The following CLIP4 variants were observed in gnomAD, a reference collection of about 807,000 sequenced individuals.
The protein encoded by CLIP4 is CAP-Gly domain-containing linker protein 4.
A neutral mutation model predicts 73.1 loss-of-function variants in CLIP4; 47 were observed. That is an observed-to-expected ratio of 0.64 (90% CI 0.51 to 0.82). The LOEUF is 0.82. CLIP4 is among the 40% of genes least tolerant of loss of function. The probability of loss-of-function intolerance (pLI) is 0.00; values close to 1 mark genes in which losing one functional copy is unlikely to be tolerated. For missense variants in CLIP4, 874 were observed against 852.9 expected (o/e 1.02, Z -0.31); for synonymous variants, 306 against 295.4 (o/e 1.04, Z -0.37).
intron 13 of CLIP4, among the ~76,000 whole-genome samples, chr2:29,166,047 A>T (rs2148071185): frequency 6.6e-6 from 1 of 151,456 alleles, no homozygotes; most frequent in Non-Finnish European, 1.5e-5. Flanking sequence ...TCATCTTCTG[A>T]TTGTCTCATT....
intron 1 of CLIP4, among the ~76,000 whole-genome samples, chr2:29,105,748 G>C (rs1391837436): frequency 6.6e-6 from 1 of 152,184 alleles, no homozygotes; most frequent in Non-Finnish European, 1.5e-5. Flanking sequence ...TTTTATAAAA[G>C]AGACCTCAGA....
At chr2:29,140,436 T>C (rs574127498) in intron 6 of CLIP4, among the ~76,000 whole-genome samples, 21 of 152,262 alleles carry the variant, frequency 1.4e-4, no homozygotes, top group African/African-American at 5.1e-4. Context: ...TGCATAGTAT[T>C]CCATGGTGTG....
chr2:29,101,868 A>T lies in CLIP4; in HGVS notation c.-16+3921A>T, dbSNP rs563748721. 1.3e-4 allele frequency among the ~76,000 whole-genome samples: 20 copies of T among 152,340 alleles called. No individual in the cohort carries two copies. In the East Asian group the frequency reaches 3.9e-3, roughly 29 times the overall value. Reference sequence around the variant, plus strand: ...CCGTTTGCTTCTTTGAATCAAAATTAAAGGCTCATGCCAAGGAGAAGCACT... The same window carrying T: ...CCGTTTGCTTCTTTGAATCAAAATTTAAGGCTCATGCCAAGGAGAAGCACT... On this transcript the variant is annotated intron_variant, in intron 1 of 14. Transcript: ENST00000401605.
chr2:29,098,731 A>G (rs1667951017), intron 1 of CLIP4, among the ~76,000 whole-genome samples: 1 of 152,230 alleles, frequency 6.6e-6, no homozygotes, highest in Admixed American at 6.5e-5. Context: ...AATGCCTAGG[A>G]GCATGATTGT....
At chr2:29,163,802 G>A in intron 12 of CLIP4, 29 bp from the exon 13 acceptor site, 1 of 1,600,476 alleles carries the variant, frequency 6.2e-7, no homozygotes, top group Admixed American at 1.7e-5. Context: ...AAGTACAGAT[G>A]CTTTTGAAAT....
At position 29,151,955 on chromosome 2, in the gene CLIP4, C is replaced by T. The variant is rs561412182; in HGVS notation, c.1022-730C>T. 8.5e-5 allele frequency among the ~76,000 whole-genome samples: 13 copies of T among 152,148 alleles called. No individual in the cohort carries two copies. The South Asian group carries it at 2.5e-3, about 29-fold the overall frequency. ...AGATAGGCAACCCCCCTGCCCCTGC[C>T]GCTCCCCTCCCCAAAGTACACTGTA... On this transcript the variant is annotated intron_variant, in intron 8 of 15. Coordinates refer to ENST00000320081, the MANE Select transcript of CLIP4 (RefSeq NM_024692.6).
chr2:29,152,826 C>T lies in CLIP4; in HGVS notation c.1163C>T (p.Thr388Ile). The change falls in exon 9 of 16, where the codon ACT becomes ATT. Residue 388 changes from threonine (T) to isoleucine (I), a missense_variant and splice_region_variant. Coordinates refer to ENST00000320081, the MANE Select transcript of CLIP4 (RefSeq NM_024692.6). ...GCTCATGTGACGTCAAAAGTAAATA[C>T]TGGTAGGTCAAACCAGAAAGTTAAC... The part of the protein sequence containing the change: ...DVAHVTSKVN[T>I]GLMTSKKDSA... 1.2e-6 allele frequency: 2 copies of T among 1,612,548 alleles called. No individual in the cohort carries two copies. Among genetic ancestry groups the T allele is most frequent in the Non-Finnish European group, 1.7e-6 (2 of 1,179,464 alleles).
Position 29,137,152 on chromosome 2 carries a change from A to G in CLIP4, c.648+1486A>G, listed in dbSNP as rs78497107. 8.6e-3 allele frequency among the ~76,000 whole-genome samples: 1,311 copies of G among 152,102 alleles called. 17 individuals are homozygous for G. The highest frequency in any genetic ancestry group is 0.03 in the African/African-American group (1,261 of 41,506). ...GTCACCCAAACAGTGAACATACCCT[A>G]GCCCTTCCCCACCTCCTTCCCTCCC... On this transcript the variant is annotated intron_variant, in intron 6 of 15. Transcript: ENST00000320081.
At chr2:29,135,890 A>G (rs1665318074) in intron 6 of CLIP4, among the ~76,000 whole-genome samples, 1 of 152,154 alleles carries the variant, frequency 6.6e-6, no homozygotes, top group Non-Finnish European at 1.5e-5. Flanking sequence ...CAGGAAAGTA[A>G]AGTCTTCCTT....
chr2:29,103,948 C>A (rs1350702372), intron 1 of CLIP4, among the ~76,000 whole-genome samples: 2 of 151,888 alleles, frequency 1.3e-5, no homozygotes, highest in East Asian at 3.9e-4. Context: ...AACTCCTGAT[C>A]CACCTGCCTC....
At chr2:29,104,491 G>A (rs1205737257) in intron 1 of CLIP4, among the ~76,000 whole-genome samples, 2 of 151,576 alleles carry the variant, frequency 1.3e-5, no homozygotes, top group Non-Finnish European at 2.9e-5. Context: ...TTTGCTATGT[G>A]GCCCAGGCTG....
At chr2:29,165,519 A>G (rs563824471) in intron 13 of CLIP4, among the ~76,000 whole-genome samples, 68 of 152,320 alleles carry the variant, frequency 4.5e-4, no homozygotes, top group African/African-American at 1.5e-3. Context: ...CCGTAACCCT[A>G]TAACGGTTAG....
At chr2:29,144,282 A>G (rs1341505251) in intron 7 of CLIP4, among the ~76,000 whole-genome samples, 1 of 152,084 alleles carries the variant, frequency 6.6e-6, no homozygotes, top group African/African-American at 2.4e-5. Context: ...TACTTCTCTG[A>G]CTGCTGCTCC....
At chr2:29,113,216 T>C (rs1307544280), upstream of CLIP4, among the ~76,000 whole-genome samples, 1 of 152,220 alleles carries the variant, frequency 6.6e-6, no homozygotes, top group Admixed American at 6.5e-5. The surrounding 1 kb of genome is among the most constrained non-coding windows in gnomAD (Gnocchi z 4.0). Context: ...CAGTGAGTAA[T>C]GCCCTTTCTC....
At chr2:29,116,632 C>T (rs1663869314) in intron 1 of CLIP4, among the ~76,000 whole-genome samples, 1 of 152,220 alleles carries the variant, frequency 6.6e-6, no homozygotes, top group Admixed American at 6.5e-5. Flanking sequence ...CTTGAACCTG[C>T]TGGAGTCTAG....
chr2:29,179,838 T>C (rs548920057), intron 15 of CLIP4, among the ~76,000 whole-genome samples: 13 of 152,366 alleles, frequency 8.5e-5, no homozygotes, highest in African/African-American at 3.1e-4. Flanking sequence ...TTATTAAATT[T>C]ATTATTGTAT....
intron 2 of CLIP4, among the ~76,000 whole-genome samples, chr2:29,126,513 T>G (rs1247542679): frequency 6.6e-6 from 1 of 152,192 alleles, no homozygotes; most frequent in Non-Finnish European, 1.5e-5. Flanking sequence ...ATACACAAAG[T>G]TCATAGAACA....
intron 9 of CLIP4, among the ~76,000 whole-genome samples, chr2:29,153,626 G>C (rs1338521990): frequency 6.6e-6 from 1 of 152,116 alleles, no homozygotes; most frequent in Non-Finnish European, 1.5e-5. Flanking sequence ...AGAGTAAATT[G>C]TAGTGTTGTT....
At chr2:29,173,318 G>A (rs1178557820) in intron 14 of CLIP4, among the ~76,000 whole-genome samples, 2 of 152,206 alleles carry the variant, frequency 1.3e-5, no homozygotes, top group Admixed American at 6.5e-5. Flanking sequence ...GTTGACATAA[G>A]TGACTTTCCT....
Sources: gnomAD v4.1 joint callset for allele counts (sites outside exome capture counted in the v4.1 genomes callset) on GRCh38, gnomAD v4.1.1 for gene constraint, Gnocchi (gnomAD v3.1) non-coding constraint, MANE v1.5 for transcripts, NCBI Gene and HGNC (gene_info 2026-07-23, HGNC 2026-07-21) for gene names.